MACROD2: variants seen among roughly 807,000 people sequenced by gnomAD.
MACROD2 encodes mono-ADP ribosylhydrolase 2, also known as ADP-ribose glycohydrolase MACROD2.
In MACROD2, 36 loss-of-function variants were observed where a neutral mutation model predicts 70.4. The observed-to-expected ratio is 0.51, with a 90% CI of 0.39 to 0.68. MACROD2 has a LOEUF of 0.68. Among genes scored for constraint, MACROD2 ranks in the 30% least tolerant of loss-of-function variants. MACROD2 has a pLI of 0.00. For missense variants in MACROD2, 496 were observed against 538.4 expected (o/e 0.92, Z 0.78); for synonymous variants, 172 against 178.8 (o/e 0.96, Z 0.30).
intron 2 of MACROD2, among the ~76,000 whole-genome samples, chr20:14,009,765 T>G (rs985814614): frequency 1.3e-5 from 2 of 152,176 alleles, no homozygotes; most frequent in African/African-American, 4.8e-5. Flanking sequence ...GTGGTACATA[T>G]ACACCATGCA....
intron 5 of MACROD2, among the ~76,000 whole-genome samples, chr20:14,695,679 G>T (rs961203851): frequency 6.6e-6 from 1 of 152,186 alleles, no homozygotes; most frequent in Non-Finnish European, 1.5e-5. Context: ...ATGTGAGTGC[G>T]CTTGCAAGCA....
intron 5 of MACROD2, among the ~76,000 whole-genome samples, chr20:15,142,469 GTTTTCATAGGCATTTTTTTGTTA>G (rs2076198717): frequency 1.3e-5 from 2 of 151,758 alleles, no homozygotes; most frequent in Non-Finnish European, 2.9e-5. Flanking sequence ...TTTAGTTATG[GTTTTCATAGGCATTTTTTTGTTA>G]TTTTCCATTT....
At chr20:14,350,249 G>A (rs995383164) in intron 3 of MACROD2, among the ~76,000 whole-genome samples, 3 of 152,072 alleles carry the variant, frequency 2.0e-5, no homozygotes, top group African/African-American at 7.2e-5. Flanking sequence ...ATAACCAGCA[G>A]TGGGATTGCT....
intron 2 of MACROD2, among the ~76,000 whole-genome samples, chr20:14,065,148 G>A (rs995078293): frequency 2.0e-5 from 3 of 152,144 alleles, no homozygotes; most frequent in African/African-American, 4.8e-5. Context: ...AAGGCTGCAC[G>A]TAACAGAAAG....
At chr20:14,569,295 C>A (rs80291865) in intron 4 of MACROD2, among the ~76,000 whole-genome samples, 1 of 151,864 alleles carries the variant, frequency 6.6e-6, no homozygotes, top group Non-Finnish European at 1.5e-5. Flanking sequence ...GTTAGCTCAC[C>A]TTCCATCAGT....
chr20:14,709,914 C>G (rs929674538), intron 5 of MACROD2, among the ~76,000 whole-genome samples: 5 of 152,092 alleles, frequency 3.3e-5, no homozygotes, highest in African/African-American at 1.2e-4. Context: ...CAATGTGTTA[C>G]AGCCTAAAAT....
At chr20:15,422,411 G>A (rs449828) in intron 6 of MACROD2, among the ~76,000 whole-genome samples, 23,239 of 151,884 alleles carry the variant, frequency 0.15, 2,318 homozygotes, top group Admixed American at 0.23. Context: ...TGTTATTTGT[G>A]TAATTAAAAA....
chr20:14,829,390 A>G (rs1460244147), intron 5 of MACROD2, among the ~76,000 whole-genome samples: 1 of 151,808 alleles, frequency 6.6e-6, no homozygotes. Context: ...TCGGCCTCCC[A>G]AAGTGCTGGG....
At chr20:15,547,574 T>G (rs892273522) in intron 8 of MACROD2, among the ~76,000 whole-genome samples, 3 of 152,252 alleles carry the variant, frequency 2.0e-5, no homozygotes, top group Non-Finnish European at 4.4e-5. Context: ...ATCTTAGTAC[T>G]TATCTCAGTC....
chr20:15,113,126 A>G (rs879168589), intron 5 of MACROD2, among the ~76,000 whole-genome samples: 2 of 152,186 alleles, frequency 1.3e-5, no homozygotes, highest in Admixed American at 6.5e-5. Context: ...TCTTTTGAGT[A>G]TATGCCCAGA....
intron 5 of MACROD2, among the ~76,000 whole-genome samples, chr20:14,767,165 C>T (rs2072101596): frequency 6.6e-6 from 1 of 152,062 alleles, no homozygotes; most frequent in Non-Finnish European, 1.5e-5. Context: ...CCCATCTGTA[C>T]CATCAATAAT....
chr20:14,684,491 A>G (rs1031344156), intron 4 of MACROD2, among the ~76,000 whole-genome samples: 1 of 152,164 alleles, frequency 6.6e-6, no homozygotes, highest in Non-Finnish European at 1.5e-5. Context: ...GTTCAGTGAC[A>G]TCAAGTTAAT....
chr20:15,017,327 A>G (rs989416462), intron 5 of MACROD2, among the ~76,000 whole-genome samples: 5 of 152,206 alleles, frequency 3.3e-5, no homozygotes, highest in African/African-American at 4.8e-5. Context: ...TTTTAACTCC[A>G]TATCTCACAT....
chr20:14,169,837 A>G (rs1420410463), intron 3 of MACROD2, among the ~76,000 whole-genome samples: 3 of 152,026 alleles, frequency 2.0e-5, no homozygotes, highest in Admixed American at 1.3e-4. Context: ...ATATAATCCA[A>G]GTTTCTAACC....
intron 3 of MACROD2, among the ~76,000 whole-genome samples, chr20:14,092,780 T>G (rs1349245696): frequency 6.6e-6 from 1 of 152,234 alleles, no homozygotes; most frequent in Non-Finnish European, 1.5e-5. Context: ...ACAAAATATG[T>G]ACTTGGTATA....
At chr20:15,033,871 A>C (rs2075293497) in intron 5 of MACROD2, among the ~76,000 whole-genome samples, 2 of 152,236 alleles carry the variant, frequency 1.3e-5, no homozygotes, top group Admixed American at 1.3e-4. Flanking sequence ...TTCAACAGAC[A>C]CAAGGGAGTA....
intron 5 of MACROD2, among the ~76,000 whole-genome samples, chr20:15,092,076 G>T (rs1369856503): frequency 3.9e-5 from 6 of 152,020 alleles, no homozygotes; most frequent in Non-Finnish European, 8.8e-5. Context: ...AAAGTCATTT[G>T]GAAACAGATT....
At chr20:15,765,541 A>C (rs952882283) in intron 8 of MACROD2, among the ~76,000 whole-genome samples, 22 of 152,258 alleles carry the variant, frequency 1.4e-4, no homozygotes, top group African/African-American at 5.1e-4. Flanking sequence ...TGATACATGC[A>C]AATCTATTAC....
chr20:15,112,087 G>C (rs2075959723), intron 5 of MACROD2, among the ~76,000 whole-genome samples: 1 of 152,148 alleles, frequency 6.6e-6, no homozygotes, highest in Non-Finnish European at 1.5e-5. Context: ...GTGGAATCTG[G>C]CACCAGGGTG....
Sources: gnomAD v4.1 joint callset for allele counts (sites outside exome capture counted in the v4.1 genomes callset) on GRCh38, gnomAD v4.1.1 for gene constraint, MANE v1.5 for transcripts, NCBI Gene and HGNC (gene_info 2026-07-23, HGNC 2026-07-21) for gene names.